The following EEF2KMT variants were observed in gnomAD, a reference collection of about 807,000 sequenced individuals.
EEF2KMT encodes eukaryotic elongation factor 2 lysine methyltransferase.
EEF2KMT carries 30 observed loss-of-function variants against 35.1 expected under a neutral mutation model. The ratio of observed to expected loss-of-function variants is 0.85; its 90% confidence interval spans 0.64 to 1.16. EEF2KMT has a LOEUF of 1.16. Ranked by LOEUF, EEF2KMT falls within the 50% of genes most tolerant of loss-of-function variation. The pLI is 0.00. For synonymous variants in EEF2KMT, 190 were observed against 187.7 expected, an observed-to-expected ratio of 1.01 and a Z score of -0.10; for missense variants, 499 against 438.2, an observed-to-expected ratio of 1.14 and a Z score of -1.24.
chr16:5,095,434 G>A lies in EEF2KMT; in HGVS notation c.159+18C>T. 3.7e-6 allele frequency: 6 copies of A among 1,611,168 alleles called. No individual in the cohort carries two copies. The highest frequency in any genetic ancestry group is 4.2e-6 in the Non-Finnish European group (5 of 1,179,240). On this transcript the variant is annotated intron_variant, in intron 2 of 7. Coordinates refer to ENST00000427587, the MANE Select transcript of EEF2KMT (RefSeq NM_201400.4). ...CAGGAGGCAGGGTCATGAGTCCCAG[G>A]GACTCTGGGATTCTTACCTTGTGCA...
chr16:5,095,290 G>A (rs1957432041), intron 2 of EEF2KMT, 162 bp downstream of exon 2: 3 of 1,014,518 alleles, frequency 3.0e-6, no homozygotes, highest in Non-Finnish European at 4.4e-6. Flanking sequence ...CGCTGGAGCT[G>A]TCAGAGGTGC....
intron 1 of EEF2KMT, chr16:5,097,347 T>C: frequency 7.0e-7 from 1 of 1,438,566 alleles, no homozygotes; most frequent in Non-Finnish European, 9.2e-7. Flanking sequence ...ACCAGAACGA[T>C]TACTGCCTTT....
chr16:5,089,924 C>T (rs561729599), intron 6 of EEF2KMT, among the ~76,000 whole-genome samples, 160 bp downstream of exon 6: 1 of 152,296 alleles, frequency 6.6e-6, no homozygotes, highest in Non-Finnish European at 1.5e-5. Flanking sequence ...TAAGAGGCAC[C>T]CCTGTCCTGT....
chr16:5,095,325 C>G (rs1213425915), intron 2 of EEF2KMT, 127 bp downstream of exon 2: 2 of 1,465,170 alleles, frequency 1.4e-6, no homozygotes, highest in South Asian at 1.2e-5. Context: ...AGTGCTGACT[C>G]AATGGTTTTG....
At position 5,090,324 on chromosome 16, in the gene EEF2KMT, C is replaced by G; in HGVS notation, c.502G>C (p.Ala168Pro). The G allele has an allele frequency of 6.2e-7, 1 of 1,612,064 alleles. No homozygotes were observed. The highest frequency in any genetic ancestry group is 8.5e-7 in the Non-Finnish European group (1 of 1,179,864). The change falls in exon 6 of 8, where the codon GCT (alanine) becomes CCT (proline). Residue 168 changes from alanine to proline, a missense_variant. Ala to Pro is a conservative substitution (Grantham distance 27). Transcript: ENST00000427587. The surrounding 1 kb of genome is among the most constrained non-coding windows in gnomAD (Gnocchi z 4.1). The part of the protein sequence containing the change: ...NRTVLELGSG[A>P]GLTGLAICKM... ...CAGATGGCCAGGCCTGTGAGGCCAG[C>G]ACCACTGCCAAGCTCTAGGACAGTC... is the stretch of plus-strand genomic sequence containing the variant.
intron 4 of EEF2KMT, among the ~76,000 whole-genome samples, chr16:5,091,122 C>A (rs1185716670): frequency 6.6e-6 from 1 of 151,982 alleles, no homozygotes; most frequent in Non-Finnish European, 1.5e-5. Flanking sequence ...GCTCTCGTTG[C>A]CCAGGCTGGA....
In EEF2KMT at chr16:5,090,401, C is replaced by T. The variant is rs377209181; in HGVS notation, c.476+31G>A. ...TGCGACTGCACCAGGGTAAGCCTGC[C>T]TCGGTGCCCTGCCCTGCGCCCCGAG... is the stretch of plus-strand genomic sequence containing the variant. On this transcript the variant is annotated intron_variant, in intron 5 of 7. Transcript: ENST00000427587. The surrounding 1 kb of genome is among the most constrained non-coding windows in gnomAD (Gnocchi z 4.1). 25 of 1,611,898 alleles carry T rather than the reference C, an allele frequency of 1.6e-5. No individual in the cohort carries two copies. Among genetic ancestry groups the T allele is most frequent in the Non-Finnish European group, 1.7e-5 (20 of 1,179,864 alleles).
rs1957078428 is a variant in EEF2KMT, at chr16:5,084,466, G to A, written c.*1166C>T. On this transcript the variant is annotated 3_prime_UTR_variant, in exon 8 of 8. Transcript: ENST00000427587. ...GGTGAGACTGCGTTGGCCAGAGGCC[G>A]AGAGGAGGGTGCTCACAGGGGAATG... 10 of 575,530 alleles carry A rather than the reference G, an allele frequency of 1.7e-5. No individual in the cohort carries two copies. The highest frequency in any genetic ancestry group is 1.0e-4 in the South Asian group (5 of 50,174). The allele number at this position is 575,530 out of a possible 1,614,324, so 35.7% of individuals were successfully genotyped here.
chr16:5,090,289 G>A lies in EEF2KMT; in HGVS notation c.537C>T (p.Cys179=), dbSNP rs201053752. ...CGCTGAAGATGTATGCCCGGGGGCGGCACATCTTGCAGATGGCCAGGCCTG... is the reference window on the plus strand; with the variant it reads ...CGCTGAAGATGTATGCCCGGGGGCGACACATCTTGCAGATGGCCAGGCCTG... ...GLTGLAICKM[C]RPRAYIFSDC... is the part of the protein sequence containing the mutation. Residue 179 remains cysteine, a synonymous_variant, in exon 6 of 8, where the codon TGC becomes TGT. Transcript: ENST00000427587. This position sits in a 1 kb window ranked among gnomAD's most constrained non-coding sequence, Gnocchi z 4.1. 6.2e-7 allele frequency: 1 copy of A among 1,612,040 alleles called. No homozygotes were observed. The highest frequency in any genetic ancestry group is 1.1e-5 in the South Asian group (1 of 90,992).
chr16:5,084,421 C>G lies in EEF2KMT; in HGVS notation c.*1211G>C. ...GCAAGGCTGCAAAGAACACCGACAC[C>G]CCCTTGTTACCCACAGATGGGTGAG... On this transcript the variant is annotated 3_prime_UTR_variant, in exon 8 of 8. Transcript: ENST00000427587. 2.0e-6 allele frequency: 1 copy of G among 512,660 alleles called. No homozygotes were observed. The allele number at this position is 512,660 out of a possible 1,614,324, so 31.8% of individuals were successfully genotyped here.
In EEF2KMT at chr16:5,090,488, G is replaced by T; in HGVS notation, c.420C>A (p.Asp140Glu). 6.2e-7 allele frequency: 1 copy of T among 1,612,026 alleles called. No individual in the cohort carries two copies. The highest frequency in any genetic ancestry group is 8.5e-7 in the Non-Finnish European group (1 of 1,179,858). ...CCCATTCTGCAAGGTAGAGGGCGGC[G>T]TCCCATGTGACCAGGCCTGTGGTAC... ...SYGTTGLVTW[D>E]AALYLAEWAI... Residue 140 changes from aspartate (D) to glutamate (E), a missense_variant, in exon 5 of 8, where the codon GAC becomes GAA. Asp to Glu is a conservative substitution (Grantham distance 45, BLOSUM62 2). Coordinates refer to ENST00000427587, the MANE Select transcript of EEF2KMT (RefSeq NM_201400.4). This position sits in a 1 kb window ranked among gnomAD's most constrained non-coding sequence, Gnocchi z 4.1.
intron 1 of EEF2KMT, among the ~76,000 whole-genome samples, chr16:5,096,054 C>T (rs949335503): frequency 2.0e-5 from 3 of 152,060 alleles, no homozygotes; most frequent in African/African-American, 7.2e-5. Flanking sequence ...CCTGTTCTCC[C>T]TCACCCCTGG....
Position 5,090,035 on chromosome 16 carries a change from A to G in EEF2KMT, c.742+49T>C. 5 of 1,597,784 alleles carry G rather than the reference A, an allele frequency of 3.1e-6. No homozygotes were observed. Among genetic ancestry groups the G allele is most frequent in the Non-Finnish European group, 4.2e-6 (5 of 1,179,454 alleles). On this transcript the variant is annotated intron_variant, in intron 6 of 7. Coordinates refer to ENST00000427587, the MANE Select transcript of EEF2KMT (RefSeq NM_201400.4). This position sits in a 1 kb window ranked among gnomAD's most constrained non-coding sequence, Gnocchi z 4.1. The stretch of plus-strand genomic sequence containing the variant: ...CTTTTCCCAGAGCCAAGAGCTGGGT[A>G]GAGCTGCAAGGACACCACCTGCACA...
intron 4 of EEF2KMT, 42 bp downstream of exon 4, chr16:5,091,752 G>C: frequency 6.2e-7 from 1 of 1,609,890 alleles, no homozygotes; most frequent in Non-Finnish European, 8.5e-7. Context: ...GTGCAGGAAG[G>C]GTATCTGGGC....
intron 7 of EEF2KMT, chr16:5,086,351 A>C (rs1298741017): frequency 6.6e-6 from 1 of 150,988 alleles, no homozygotes; most frequent in Non-Finnish European, 1.5e-5. Context: ...AAAAAAAAAA[A>C]ACCACACGCA....
At chr16:5,092,589 C>T (rs1387229877) in intron 3 of EEF2KMT, among the ~76,000 whole-genome samples, 2 of 152,230 alleles carry the variant, frequency 1.3e-5, no homozygotes, top group African/African-American at 4.8e-5. Context: ...GGCTCTTTCA[C>T]TCAGCAGGTC....
intron 1 of EEF2KMT, among the ~76,000 whole-genome samples, chr16:5,096,625 C>T (rs981934067): frequency 3.9e-5 from 6 of 152,190 alleles, no homozygotes; most frequent in African/African-American, 7.2e-5. Context: ...CCCAAGGTCA[C>T]ACAGGGCCAG....
chr16:5,092,005 C>A, intron 3 of EEF2KMT, 110 bp from the exon 4 acceptor site: 1 of 1,540,804 alleles, frequency 6.5e-7, no homozygotes, highest in Non-Finnish European at 8.8e-7. Context: ...TGGTATAATA[C>A]CGGCCAGCTG....
At chr16:5,088,589 G>A (rs1208170035) in intron 7 of EEF2KMT, among the ~76,000 whole-genome samples, 14 of 152,164 alleles carry the variant, frequency 9.2e-5, no homozygotes, top group African/African-American at 1.4e-4. Flanking sequence ...GACAGTGACA[G>A]CACACCCTCA....
Sources: allele counts gnomAD v4.1 joint callset (sites outside exome capture counted in the v4.1 genomes callset), GRCh38; gene constraint gnomAD v4.1.1; non-coding constraint Gnocchi (gnomAD v3.1); transcripts MANE v1.5; gene names NCBI Gene and HGNC (gene_info 2026-07-23, HGNC 2026-07-21).